CENPP: variants seen among roughly 807,000 people sequenced by gnomAD.
The protein encoded by CENPP is centromere protein P.
Under a neutral mutation model 35.6 loss-of-function variants are expected in CENPP, and 24 were observed. That is an observed-to-expected ratio of 0.67 (90% CI 0.49 to 0.95). The LOEUF (loss-of-function observed/expected upper bound fraction) is 0.95. Ranked by LOEUF, CENPP falls within the 40% of genes least tolerant of loss-of-function variation. The pLI is 0.00. For synonymous variants in CENPP, 120 were observed against 125.5 expected, an observed-to-expected ratio of 0.96 and a Z score of 0.29; for missense variants, 332 against 345.3, an observed-to-expected ratio of 0.96 and a Z score of 0.31.
chr9:92,496,094 G>A, intron 5 of CENPP: 1 of 1,170,142 alleles, frequency 8.5e-7, no homozygotes, highest in Admixed American at 4.8e-5. Context: ...TCTTTCTAGA[G>A]GTAGGAAACT....
At chr9:92,528,305 C>G (rs1848539044) in intron 5 of CENPP, among the ~76,000 whole-genome samples, 1 of 152,116 alleles carries the variant, frequency 6.6e-6, no homozygotes, top group African/African-American at 2.4e-5. Flanking sequence ...AAGGGAGTTG[C>G]AGTGAGGGGA....
intron 5 of CENPP, among the ~76,000 whole-genome samples, chr9:92,433,516 G>T (rs777895253): frequency 2.0e-5 from 3 of 151,980 alleles, no homozygotes; most frequent in Non-Finnish European, 4.4e-5. Flanking sequence ...GAAAGATTAC[G>T]TTCTACAAGT....
chr9:92,370,333 G>A (rs1316211275), intron 4 of CENPP, among the ~76,000 whole-genome samples: 2 of 152,170 alleles, frequency 1.3e-5, no homozygotes, highest in Admixed American at 6.5e-5. Flanking sequence ...CTGGCCTCTT[G>A]TAGTGAGTTA....
At chr9:92,606,518 G>A (rs559296266) in intron 5 of CENPP, among the ~76,000 whole-genome samples, 6 of 152,182 alleles carry the variant, frequency 3.9e-5, no homozygotes, top group South Asian at 4.2e-4. Flanking sequence ...CAGAAATCCC[G>A]CTCCTAGATA....
rs1229689881 is a variant in CENPP at position 92,379,856 on chromosome 9, C to G, written c.561C>G (p.Leu187=). Residue 187 remains leucine (L), a synonymous_variant, in exon 5 of 8, where the codon CTC becomes CTG. Coordinates refer to ENST00000375587, the MANE Select transcript of CENPP (RefSeq NM_001012267.3). ...FEYRKRTFKH[L]KEKYPDAVYL... Reference sequence around the variant, plus strand: ...ATCGTAAGCGCACGTTTAAACATCTCAAGGTAAAGTCTGAAGTCTTTGAAT... The same window carrying G: ...ATCGTAAGCGCACGTTTAAACATCTGAAGGTAAAGTCTGAAGTCTTTGAAT... The G allele has an allele frequency of 6.3e-7, 1 of 1,597,190 alleles. No homozygotes were observed. The highest frequency in any genetic ancestry group is 1.7e-5 in the Admixed American group (1 of 59,896).
At chr9:92,528,073 T>C (rs1405719539) in intron 5 of CENPP, 5 of 152,402 alleles carry the variant, frequency 3.3e-5, no homozygotes, top group African/African-American at 1.2e-4. Context: ...ATTCAGCCAT[T>C]ACACCAGTAT....
At chr9:92,604,450 T>C (rs545042625) in intron 5 of CENPP, among the ~76,000 whole-genome samples, 2 of 152,362 alleles carry the variant, frequency 1.3e-5, no homozygotes, top group South Asian at 4.1e-4. Flanking sequence ...TTTGCCAATA[T>C]TTTCACTCAG....
At chr9:92,606,773 A>G (rs943362202) in intron 5 of CENPP, among the ~76,000 whole-genome samples, 2 of 152,112 alleles carry the variant, frequency 1.3e-5, no homozygotes, top group African/African-American at 4.8e-5. Context: ...GTGTGGTGGC[A>G]CGCGTCTGTA....
intron 5 of CENPP, among the ~76,000 whole-genome samples, chr9:92,530,154 G>T (rs1848656501): frequency 6.6e-6 from 1 of 152,082 alleles, no homozygotes; most frequent in Non-Finnish European, 1.5e-5. Context: ...GTCCTTGAGG[G>T]ATCCTGGAAC....
intron 3 of CENPP, 70 bp downstream of exon 3, chr9:92,337,699 C>A: frequency 1.0e-6 from 1 of 965,382 alleles, no homozygotes; most frequent in African/African-American, 1.6e-5. Flanking sequence ...CACACCCCAG[C>A]CTTCAACAGT....
At chr9:92,481,039 T>C (rs1845893983) in intron 5 of CENPP, among the ~76,000 whole-genome samples, 2 of 152,200 alleles carry the variant, frequency 1.3e-5, no homozygotes, top group African/African-American at 4.8e-5. Context: ...TTATACTAAT[T>C]TTGCCCTTCA....
intron 4 of CENPP, among the ~76,000 whole-genome samples, chr9:92,373,159 A>G (rs1273363032): frequency 6.6e-6 from 1 of 152,168 alleles, no homozygotes; most frequent in Non-Finnish European, 1.5e-5. Context: ...ACAGTAGCTC[A>G]TGCCTGTAAT....
At chr9:92,501,244 CA>C (rs1846654656) in intron 5 of CENPP, among the ~76,000 whole-genome samples, 1 of 152,096 alleles carries the variant, frequency 6.6e-6, no homozygotes, top group African/African-American at 2.4e-5. Flanking sequence ...ATGTCCTTAC[CA>C]GGGTGCCATA....
chr9:92,604,986 T>C lies in CENPP; in HGVS notation c.565-6328T>C, dbSNP rs117154697. Among the ~76,000 whole-genome samples the C allele has an allele frequency of 4.5e-3, 679 of 152,258 alleles. 2 individuals are homozygous for C. Among genetic ancestry groups the C allele is most frequent in the Middle Eastern group, 0.01 (3 of 294 alleles). On this transcript the variant is annotated intron_variant, in intron 5 of 7. Transcript: ENST00000375587. Reference sequence around the variant, plus strand: ...AGAAGTTTTACAGTTTTAGCCCTTATGTGTCCTTTTTTTGAGACAACAGAA... The same window carrying C: ...AGAAGTTTTACAGTTTTAGCCCTTACGTGTCCTTTTTTTGAGACAACAGAA...
chr9:92,550,528 A>C (rs1849566519), intron 5 of CENPP, among the ~76,000 whole-genome samples: 1 of 152,076 alleles, frequency 6.6e-6, no homozygotes, highest in Non-Finnish European at 1.5e-5. Flanking sequence ...AATTGATATA[A>C]CAAGTTTTCT....
In CENPP at chr9:92,496,622, G is replaced by A. The variant is rs985087598; in HGVS notation, c.565-114692G>A. On this transcript the variant is annotated intron_variant, in intron 5 of 7. Coordinates refer to ENST00000375587, the MANE Select transcript of CENPP (RefSeq NM_001012267.3). ...ATAGACCAGAATAAATTCCAACTAC[G>A]TCAGAGATTCAAATGTGAAAGATGA... 23 of 1,041,442 alleles carry A rather than the reference G, an allele frequency of 2.2e-5. 1 individual carries two copies. Among genetic ancestry groups the A allele is most frequent in the Middle Eastern group, 2.9e-4 (1 of 3,398 alleles). The allele number at this position is 1,041,442 out of a possible 1,614,324, so 64.5% of individuals were successfully genotyped here.
Position 92,596,845 on chromosome 9 carries a change from A to G in CENPP, c.565-14469A>G, listed in dbSNP as rs549263560. ...TTCCTCTAAGTATTTTTAATAAAAA[A>G]TGAGGCATAGGAAGTTTCCTTTACT... On this transcript the variant is annotated intron_variant, in intron 5 of 7. Transcript: ENST00000375587. 6.6e-5 allele frequency among the ~76,000 whole-genome samples: 10 copies of G among 152,270 alleles called. No homozygotes were observed. In the South Asian group the frequency reaches 2.1e-3, roughly 32 times the overall value.
intron 5 of CENPP, chr9:92,393,292 A>G: frequency 6.9e-7 from 1 of 1,451,638 alleles, no homozygotes; most frequent in Non-Finnish European, 9.4e-7. Flanking sequence ...GTTTGAAAAT[A>G]TTTCTCCTCT....
chr9:92,390,080 A>G (rs1230239037), intron 5 of CENPP: 1 of 1,327,336 alleles, frequency 7.5e-7, no homozygotes, highest in Non-Finnish European at 1.1e-6. Flanking sequence ...AATATAAAAA[A>G]CAACTACGTA....
Sources: allele counts gnomAD v4.1 joint callset (sites outside exome capture counted in the v4.1 genomes callset), GRCh38; gene constraint gnomAD v4.1.1; transcripts MANE v1.5; gene names NCBI Gene and HGNC (gene_info 2026-07-23, HGNC 2026-07-21).